The following SLFN12L variants were observed in gnomAD, a reference collection of about 807,000 sequenced individuals.
SLFN12L encodes schlafen family member 12-like.
In SLFN12L, 34 loss-of-function variants were observed where a neutral mutation model predicts 34.8. The ratio of observed to expected loss-of-function variants is 0.98; its 90% CI spans 0.74 to 1.30. The LOEUF (loss-of-function observed/expected upper bound fraction) is 1.30, where lower values mean the gene tolerates loss of function less well. Ranked by LOEUF, SLFN12L falls within the 50% of genes most tolerant of loss-of-function variation. SLFN12L has a pLI of 0.00. For missense variants in SLFN12L, 703 were observed against 696.2 expected (o/e 1.01, Z -0.11); for synonymous variants, 259 against 247.5 (o/e 1.05, Z -0.44).
chr17:35,525,893 A>G (rs568070766), intron 1 of SLFN12L, among the ~76,000 whole-genome samples: 4 of 152,230 alleles, frequency 2.6e-5, no homozygotes, highest in Non-Finnish European at 5.9e-5. Context: ...AAATGCCCCA[A>G]TTAAAAGACA....
At chr17:35,516,313 T>C (rs1014592134) in intron 2 of SLFN12L, among the ~76,000 whole-genome samples, 1 of 152,192 alleles carries the variant, frequency 6.6e-6, no homozygotes, top group African/African-American at 2.4e-5. Flanking sequence ...CCCCAGCATA[T>C]AGGAACCTCA....
intron 2 of SLFN12L, chr17:35,499,958 A>C (rs1270781495): frequency 6.5e-6 from 1 of 153,934 alleles, no homozygotes; most frequent in African/African-American, 2.4e-5. Context: ...TTCCTGCGAA[A>C]GCTGTGGGCC....
intron 3 of SLFN12L, 24 bp downstream of exon 3, chr17:35,479,093 T>C: frequency 6.6e-7 from 1 of 1,514,014 alleles, no homozygotes; most frequent in Non-Finnish European, 8.9e-7. Context: ...AAGGTATCCT[T>C]ATTGCCAATC....
rs774797739 is a variant in SLFN12L, at chr17:35,479,600, T to TA, written c.681dup (p.Asn228Ter). 177 of 1,612,732 alleles carry TA rather than the reference T, an allele frequency of 1.1e-4. No individual in the cohort carries two copies. The highest frequency in any genetic ancestry group is 8.4e-4 in the Admixed American group (50 of 59,704). On this transcript the variant is annotated frameshift_variant, in exon 3 of 5. Coordinates refer to ENST00000628453, the MANE Select transcript of SLFN12L (RefSeq NM_001363830.2). LOFTEE classifies it high-confidence loss of function. The stretch of plus-strand genomic sequence containing the variant: ...TCTTTATAACCAAGTTCTGTTCTGT[T>TA]AAAAAAATCAGCAGCCAAGGCTTCC...
intron 2 of SLFN12L, among the ~76,000 whole-genome samples, chr17:35,501,377 G>A (rs1915290607): frequency 6.6e-6 from 1 of 152,202 alleles, no homozygotes; most frequent in African/African-American, 2.4e-5. Flanking sequence ...CCATTTTAGT[G>A]GAAGCATGGC....
At chr17:35,480,358 G>T in intron 2 of SLFN12L, 163 bp from the exon 3 acceptor site, 1 of 495,154 alleles carries the variant, frequency 2.0e-6, no homozygotes, top group East Asian at 3.2e-5. Context: ...CTAAGGCTGT[G>T]ATAATTTATA....
intron 2 of SLFN12L, among the ~76,000 whole-genome samples, chr17:35,495,040 A>G (rs1914996150): frequency 6.6e-6 from 1 of 151,870 alleles, no homozygotes. Flanking sequence ...CTGGAACTAC[A>G]GGGGCGCCCC....
chr17:35,478,528 T>G, intron 3 of SLFN12L: 1 of 197,132 alleles, frequency 5.1e-6, no homozygotes, highest in Non-Finnish European at 1.0e-5. Context: ...CTGGGTTTTA[T>G]GCAGATTCTG....
At chr17:35,519,997 AAGACCGATGG>A (rs1047209420) in intron 2 of SLFN12L, among the ~76,000 whole-genome samples, 2 of 152,184 alleles carry the variant, frequency 1.3e-5, no homozygotes, top group African/African-American at 4.8e-5. Flanking sequence ...TAAACATCAT[AAGACCGATGG>A]AACAGTCTCT....
rs1913840681 is a variant in SLFN12L, at chr17:35,473,410, A to T, written c.*1513T>A. 6.6e-6 allele frequency among the ~76,000 whole-genome samples: 1 copy of T among 152,172 alleles called. No individual in the cohort carries two copies. The highest frequency in any genetic ancestry group is 1.5e-5 in the Non-Finnish European group (1 of 68,034). On this transcript the variant is annotated 3_prime_UTR_variant, in exon 5 of 5. Coordinates refer to ENST00000628453, the MANE Select transcript of SLFN12L (RefSeq NM_001363830.2). ...TTTTTCTGCATCTATTGAGATAATC[A>T]TATGGTTTTTGTCATTGTTTCTGTT...
intron 2 of SLFN12L, among the ~76,000 whole-genome samples, chr17:35,500,968 C>T (rs1019274260): frequency 6.6e-6 from 1 of 152,156 alleles, no homozygotes; most frequent in Non-Finnish European, 1.5e-5. Flanking sequence ...TCGGGGAGCT[C>T]GGTTTTTGGA....
intron 2 of SLFN12L, among the ~76,000 whole-genome samples, chr17:35,487,409 T>C (rs1310382649): frequency 6.6e-6 from 1 of 151,892 alleles, no homozygotes; most frequent in East Asian, 1.9e-4. Flanking sequence ...CAGCCTCGGG[T>C]CTCCCCGAGA....
intron 1 of SLFN12L, among the ~76,000 whole-genome samples, chr17:35,527,833 G>T (rs1054875598): frequency 1.3e-5 from 2 of 152,108 alleles, no homozygotes; most frequent in African/African-American, 4.8e-5. Context: ...AGTCAACATA[G>T]TATTGGAAGT....
chr17:35,475,793 G>C (rs984562784), intron 4 of SLFN12L, among the ~76,000 whole-genome samples: 6 of 151,970 alleles, frequency 3.9e-5, no homozygotes, highest in Non-Finnish European at 8.8e-5. Flanking sequence ...CCAGCTACTT[G>C]GGAGGCTGAG....
chr17:35,490,386 G>T, intron 2 of SLFN12L: 1 of 1,316,702 alleles, frequency 7.6e-7, no homozygotes, highest in Non-Finnish European at 1.1e-6. Context: ...TCACCAAGAA[G>T]TTCATTCAGC....
chr17:35,464,420 A>ACCCTCCCC lies in SLFN12L; in HGVS notation c.*10495_*10502dup, dbSNP rs1913689410. On this transcript the variant is annotated 3_prime_UTR_variant, in exon 5 of 5. Coordinates refer to ENST00000628453, the MANE Select transcript of SLFN12L (RefSeq NM_001363830.2). ...CTTTTCTGCTCCTCTCCCTCCTCCC[A>ACCCTCCCC]CCCTCCCCCCCTCAAATAGACCCCA... 1.0e-5 allele frequency: 1 copy of ACCCTCCCC among 97,800 alleles called. No homozygotes were observed. Among genetic ancestry groups the ACCCTCCCC allele is most frequent in the Admixed American group, 1.1e-4 (1 of 8,988 alleles). The allele number at this position is 97,800 out of a possible 1,614,324, so 6.1% of individuals were successfully genotyped here. A position where few individuals can be genotyped will look rare whatever the true frequency, so the allele number is the denominator to read the frequency against.
At chr17:35,514,549 C>G (rs1032247884) in intron 2 of SLFN12L, among the ~76,000 whole-genome samples, 1 of 152,144 alleles carries the variant, frequency 6.6e-6, no homozygotes, top group Non-Finnish European at 1.5e-5. Flanking sequence ...TTCAGTAGCT[C>G]ATAGTGTACT....
chr17:35,514,822 T>C, intron 2 of SLFN12L: 1 of 397,908 alleles, frequency 2.5e-6, no homozygotes, highest in Non-Finnish European at 4.9e-6. Context: ...GATTAACTGG[T>C]AGGGGCTTTG....
At chr17:35,497,586 C>A (rs1441512059) in intron 2 of SLFN12L, among the ~76,000 whole-genome samples, 3 of 152,114 alleles carry the variant, frequency 2.0e-5, no homozygotes, top group Non-Finnish European at 4.4e-5. Context: ...CGTTTACATT[C>A]TCATACTGTT....
Sources: gnomAD v4.1 joint callset for allele counts (sites outside exome capture counted in the v4.1 genomes callset) on GRCh38, gnomAD v4.1.1 for gene constraint, MANE v1.5 for transcripts, NCBI Gene and HGNC (gene_info 2026-07-23, HGNC 2026-07-21) for gene names.